Variants in POLH observed in about 807,000 individuals in gnomAD.
POLH encodes DNA polymerase eta transcript.
POLH carries 53 observed loss-of-function variants against 73.6 expected under a neutral mutation model. The ratio of observed to expected loss-of-function variants is 0.72; its 90% CI spans 0.58 to 0.91. POLH has a LOEUF of 0.91. POLH is among the 40% of genes least tolerant of loss of function. The pLI is 0.00. For synonymous variants in POLH, 292 were observed against 308.5 expected (o/e 0.95, Z 0.56); for missense variants, 768 against 865.4 (o/e 0.89, Z 1.41).
At chr6:43,592,181 GA>G in intron 4 of POLH, among the ~76,000 whole-genome samples, 1 of 152,094 alleles carries the variant, frequency 6.6e-6, no homozygotes, top group East Asian at 1.9e-4. Context: ...CTGAATCTTT[GA>G]TGTGTGCAAC....
chr6:43,598,908 C>G (rs563027480), intron 5 of POLH, among the ~76,000 whole-genome samples: 7 of 150,934 alleles, frequency 4.6e-5, no homozygotes, highest in Non-Finnish European at 8.8e-5. Context: ...AATGACTGAA[C>G]TGTTTGTTGG....
At chr6:43,607,092 GTTTGT>G (rs1230688743) in intron 9 of POLH, among the ~76,000 whole-genome samples, 5 of 152,128 alleles carry the variant, frequency 3.3e-5, no homozygotes, top group Non-Finnish European at 7.4e-5. Context: ...GTCATTTTTT[GTTTGT>G]TTTGTTTTTG....
chr6:43,602,735 T>C (rs566128426), intron 6 of POLH, among the ~76,000 whole-genome samples: 1 of 150,632 alleles, frequency 6.6e-6, no homozygotes, highest in East Asian at 2.0e-4. Context: ...TGGCGCGATA[T>C]TGGCTCACTG....
intron 6 of POLH, among the ~76,000 whole-genome samples, chr6:43,603,509 G>T (rs894243295): frequency 6.6e-6 from 1 of 151,884 alleles, no homozygotes; most frequent in Non-Finnish European, 1.5e-5. Context: ...CAATCTTCCC[G>T]CCTTGGCCTC....
chr6:43,582,504 C>G (rs1388491259), intron 2 of POLH, 48 bp downstream of exon 2: 1 of 1,585,912 alleles, frequency 6.3e-7, no homozygotes, highest in Non-Finnish European at 8.7e-7. Flanking sequence ...AACACAGTGG[C>G]ACTGTGGCAG....
rs151191928 is a variant in POLH at position 43,599,569 on chromosome 6, T to C, written c.661-1419T>C. On this transcript the variant is annotated intron_variant, in intron 5 of 10. Transcript: ENST00000372236. Reference sequence around the variant, plus strand: ...TTGGGCAGTGGCTGATTTTCCCTGGTTGATACCTTCTCCGCCTCCCTTCAA... The same window carrying C: ...TTGGGCAGTGGCTGATTTTCCCTGGCTGATACCTTCTCCGCCTCCCTTCAA... Among the ~76,000 whole-genome samples the C allele has an allele frequency of 1.7e-3, 261 of 151,792 alleles. 2 individuals are homozygous for C. Among genetic ancestry groups the C allele is most frequent in the African/African-American group, 5.9e-3 (246 of 41,466 alleles).
At chr6:43,583,253 C>A (rs1764481042) in intron 3 of POLH, 112 bp downstream of exon 3, 8 of 986,154 alleles carry the variant, frequency 8.1e-6, no homozygotes, top group Non-Finnish European at 1.2e-5. Context: ...GGAAAAAATT[C>A]TTTTTGGTTA....
At chr6:43,600,847 T>C in intron 5 of POLH, 141 bp from the exon 6 acceptor site, 1 of 710,398 alleles carries the variant, frequency 1.4e-6, no homozygotes, top group Non-Finnish European at 2.6e-6. Flanking sequence ...CTTGAGTTTC[T>C]GGTTTTATTT....
intron 1 of POLH, among the ~76,000 whole-genome samples, chr6:43,581,991 A>G (rs947264001): frequency 6.6e-6 from 1 of 152,212 alleles, no homozygotes; most frequent in African/African-American, 2.4e-5. Flanking sequence ...AAAATCCAAA[A>G]AATTTTTTGC....
rs1561897585 is a variant in POLH at position 43,583,035 on chromosome 6, G to GCGTC, written c.167_168insGTCC (p.Phe57SerfsTer6). On this transcript the variant is annotated frameshift_variant, in exon 3 of 11. Transcript: ENST00000372236. LOFTEE classifies it high-confidence loss of function. ...AATTGCAGTGAGTTATGAAGCTCGTGCATTTGGAGTCACTAGAAGTATGTG... is the reference window on the plus strand; with the variant it reads ...AATTGCAGTGAGTTATGAAGCTCGTGCGTCCATTTGGAGTCACTAGAAGTATGTG... The GCGTC allele has an allele frequency of 6.2e-7, 1 of 1,613,610 alleles. No homozygotes were observed. The highest frequency in any genetic ancestry group is 8.5e-7 in the Non-Finnish European group (1 of 1,179,636).
chr6:43,599,280 C>T (rs376852976), intron 5 of POLH, among the ~76,000 whole-genome samples: 9 of 152,010 alleles, frequency 5.9e-5, no homozygotes, highest in South Asian at 2.1e-4. Context: ...TGAGCCACCG[C>T]GCCCGGCCAC....
rs146109320 is a variant in POLH, at chr6:43,587,619, A to G, written c.490+130A>G. On this transcript the variant is annotated intron_variant, in intron 4 of 10. Coordinates refer to ENST00000372236, the MANE Select transcript of POLH (RefSeq NM_006502.3). ...GCCTGAATGAATCACAAGGACTCAC[A>G]TGGAAGGATATACAAATTTTCTTAT... 443 of 733,844 alleles carry G rather than the reference A, an allele frequency of 6.0e-4. 5 individuals are homozygous for G. In the East Asian group the frequency reaches 0.01, roughly 17 times the overall value. The allele number at this position is 733,844 out of a possible 1,614,324, so 45.5% of individuals were successfully genotyped here. A position where few individuals can be genotyped will look rare whatever the true frequency, so the allele number is the denominator to read the frequency against.
intron 4 of POLH, among the ~76,000 whole-genome samples, chr6:43,587,755 G>A (rs142340919): frequency 1.2e-4 from 18 of 152,280 alleles, no homozygotes; most frequent in Non-Finnish European, 1.6e-4. Context: ...GAGACCTGGC[G>A]CGGTGATTCA....
In POLH at chr6:43,614,516, A is replaced by T; in HGVS notation, c.2101A>T (p.Met701Leu). Residue 701 changes from methionine to leucine, a missense_variant, in exon 11 of 11, where the codon ATG (methionine) becomes TTG (leucine). By Grantham distance (15) the Met-to-Leu change is conservative (BLOSUM62 2). Transcript: ENST00000372236. Reference protein sequence around the residue: ...CTNKRPRPEGMQTLESFFKPL... With the variant: ...CTNKRPRPEGLQTLESFFKPL... The stretch of plus-strand genomic sequence containing the variant: ...TAATAAACGCCCCAGGCCTGAGGGC[A>T]TGCAAACATTGGAATCATTTTTTAA... 2 of 1,614,032 alleles carry T rather than the reference A, an allele frequency of 1.2e-6. No homozygotes were observed. Among genetic ancestry groups the T allele is most frequent in the African/African-American group, 1.3e-5 (1 of 75,076 alleles).
intron 1 of POLH, among the ~76,000 whole-genome samples, chr6:43,580,154 A>G (rs1582264648): frequency 6.7e-6 from 1 of 148,672 alleles, no homozygotes; most frequent in South Asian, 2.1e-4. Context: ...AACAAAGCAC[A>G]TCTTACACCG....
At chr6:43,586,847 AGT>A (rs1254153979) in intron 3 of POLH, among the ~76,000 whole-genome samples, 3 of 152,258 alleles carry the variant, frequency 2.0e-5, no homozygotes, top group African/African-American at 7.2e-5. Context: ...TTCACTGATC[AGT>A]GCAGTGTTGC....
At chr6:43,587,106 T>A (rs893476850) in intron 3 of POLH, among the ~76,000 whole-genome samples, 166 bp from the exon 4 acceptor site, 1 of 152,212 alleles carries the variant, frequency 6.6e-6, no homozygotes, top group African/African-American at 2.4e-5. Context: ...TTATTGACCA[T>A]CTGCCTGCCG....
In POLH at chr6:43,614,423, A is replaced by C. The variant is rs766983163; in HGVS notation, c.2008A>C (p.Asn670His). ...QKSFLQPHSSNPQVVSAVSHQ... is the reference protein window; with the variant it reads ...QKSFLQPHSSHPQVVSAVSHQ... ...ATCCTTTTTGCAGCCCCACTCTTCA[A>C]ACCCCCAGGTTGTTTCTGCCGTATC... is the stretch of plus-strand genomic sequence containing the variant. Residue 670 changes from asparagine (N) to histidine (H), a missense_variant, in exon 11 of 11, where the codon AAC becomes CAC. By Grantham distance (68) the Asn-to-His change is moderately conservative (BLOSUM62 1). Coordinates refer to ENST00000372236, the MANE Select transcript of POLH (RefSeq NM_006502.3). 1.9e-6 allele frequency: 3 copies of C among 1,614,050 alleles called. No individual in the cohort carries two copies. Among genetic ancestry groups the C allele is most frequent in the Non-Finnish European group, 2.5e-6 (3 of 1,180,032 alleles).
intron 9 of POLH, among the ~76,000 whole-genome samples, chr6:43,609,698 A>G (rs902695225): frequency 1.3e-5 from 2 of 152,224 alleles, no homozygotes; most frequent in African/African-American, 4.8e-5. Context: ...TTTGTTTACC[A>G]TAAGAGCCCC....
Sources: allele counts gnomAD v4.1 joint callset (sites outside exome capture counted in the v4.1 genomes callset), GRCh38; gene constraint gnomAD v4.1.1; transcripts MANE v1.5; gene names NCBI Gene and HGNC (gene_info 2026-07-23, HGNC 2026-07-21).